Variants in CUBN observed in about 807,000 individuals in gnomAD.
The protein encoded by CUBN is 460 kDa receptor.
In CUBN, 282 loss-of-function variants were observed where a neutral mutation model predicts 405.3. The observed-to-expected ratio is 0.70, with a 90% CI of 0.63 to 0.77. The LOEUF is 0.77. CUBN is among the 30% of genes least tolerant of loss of function. The probability of loss-of-function intolerance (pLI) is 0.00; values close to 1 mark genes in which losing one functional copy is unlikely to be tolerated. For synonymous variants in CUBN, 1,684 were observed against 1,617.0 expected (o/e 1.04, Z -0.99); for missense variants, 4,514 against 4,475.2 (o/e 1.01, Z -0.25).
At chr10:17,023,129 CG>C (rs1420894820) in intron 27 of CUBN, among the ~76,000 whole-genome samples, 14 of 151,498 alleles carry the variant, frequency 9.2e-5, no homozygotes, top group African/African-American at 3.2e-4. Flanking sequence ...GATGGGATTA[CG>C]CATTGAAGGA....
intron 29 of CUBN, among the ~76,000 whole-genome samples, chr10:16,987,128 T>C (rs554472138): frequency 6.6e-6 from 1 of 152,344 alleles, no homozygotes; most frequent in South Asian, 2.1e-4. Flanking sequence ...GATTTCCTTT[T>C]CTGCCTAATG....
rs1303091102 is a variant in CUBN at position 17,071,476 on chromosome 10, T to C, written c.2575A>G (p.Thr859Ala). ...PQSQVILLNF[T>A]VFEIGSSAHC... is the part of the protein sequence containing the mutation. ...GCAGAACTTCCAATTTCAAAGACAGTGAAGTTGAGGAGAATGACTTGGCTT... is the reference window on the plus strand; with the variant it reads ...GCAGAACTTCCAATTTCAAAGACAGCGAAGTTGAGGAGAATGACTTGGCTT... The change falls in exon 19 of 67, where the codon ACT (threonine) becomes GCT (alanine). Residue 859 changes from threonine to alanine, a missense_variant. Thr to Ala is a moderately conservative substitution (Grantham distance 58, BLOSUM62 0). This residue lies in a region of CUBN where 1,448 missense variants were observed against 1,388.0 expected (regional missense o/e 1.04). Coordinates refer to ENST00000377833, the MANE Select transcript of CUBN (RefSeq NM_001081.4). 1.9e-6 allele frequency: 3 copies of C among 1,613,928 alleles called. No homozygotes were observed. The South Asian group carries it at 3.3e-5, about 18-fold the overall frequency.
At chr10:16,984,312 A>G in intron 29 of CUBN, 33 bp from the exon 30 acceptor site, 1 of 1,606,446 alleles carries the variant, frequency 6.2e-7, no homozygotes, top group Non-Finnish European at 8.5e-7. Context: ...AGACTTTAAA[A>G]AATATTTTAA....
chr10:17,018,884 G>A (rs1834418577), intron 28 of CUBN, among the ~76,000 whole-genome samples: 1 of 151,252 alleles, frequency 6.6e-6, no homozygotes, highest in Admixed American at 6.6e-5. Context: ...TAGACACAGA[G>A]CGCTGATTGG....
intron 22 of CUBN, among the ~76,000 whole-genome samples, chr10:17,064,024 T>G (rs1835557972): frequency 6.6e-6 from 1 of 152,182 alleles, no homozygotes; most frequent in African/African-American, 2.4e-5. Flanking sequence ...CCCTATAATT[T>G]CTTAAGAAAC....
chr10:17,116,518 G>A (rs548484717), intron 6 of CUBN, among the ~76,000 whole-genome samples: 1 of 152,202 alleles, frequency 6.6e-6, no homozygotes, highest in Non-Finnish European at 1.5e-5. Flanking sequence ...GGAAATGACT[G>A]TTGGTGCCAG....
intron 59 of CUBN, among the ~76,000 whole-genome samples, chr10:16,855,058 C>T (rs1839832300): frequency 9.3e-6 from 1 of 107,208 alleles, no homozygotes; most frequent in African/African-American, 3.6e-5. Flanking sequence ...CCCTCCCCTC[C>T]CCTCCTCTCT....
intron 31 of CUBN, among the ~76,000 whole-genome samples, chr10:16,975,094 C>G (rs1833052104): frequency 6.6e-6 from 1 of 152,194 alleles, no homozygotes; most frequent in African/African-American, 2.4e-5. Flanking sequence ...GCCAATGACC[C>G]TAATCCCAGC....
intron 28 of CUBN, among the ~76,000 whole-genome samples, chr10:17,011,192 T>C (rs1045599532): frequency 6.6e-6 from 1 of 152,224 alleles, no homozygotes; most frequent in Non-Finnish European, 1.5e-5. Context: ...CAGTAGTGTG[T>C]CTGGAATTTA....
At chr10:17,001,896 C>G (rs190182849) in intron 28 of CUBN, among the ~76,000 whole-genome samples, 2 of 152,118 alleles carry the variant, frequency 1.3e-5, no homozygotes, top group Non-Finnish European at 2.9e-5. Context: ...AAATCAGGGA[C>G]AGAGTATATT....
intron 56 of CUBN, among the ~76,000 whole-genome samples, chr10:16,885,367 G>T (rs949856308): frequency 7.2e-5 from 11 of 152,100 alleles, no homozygotes; most frequent in African/African-American, 2.7e-4. Flanking sequence ...GTGAGGATTG[G>T]CAAATCCATT....
intron 31 of CUBN, among the ~76,000 whole-genome samples, chr10:16,964,358 A>C (rs1843327226): frequency 6.6e-6 from 1 of 152,210 alleles, no homozygotes; most frequent in Admixed American, 6.5e-5. Context: ...TTCATTGACT[A>C]GCCAAAGAAA....
chr10:16,926,525 G>A (rs1220369306), intron 41 of CUBN, among the ~76,000 whole-genome samples: 2 of 152,072 alleles, frequency 1.3e-5, no homozygotes, highest in Admixed American at 6.6e-5. Flanking sequence ...GGGACCGCCT[G>A]AGGCCAAGGA....
intron 27 of CUBN, among the ~76,000 whole-genome samples, chr10:17,030,511 T>C (rs1834765646): frequency 6.6e-6 from 1 of 152,238 alleles, no homozygotes; most frequent in South Asian, 2.1e-4. Flanking sequence ...ATCTTCATTT[T>C]AGAGTTCTGG....
intron 58 of CUBN, 123 bp downstream of exon 58, chr10:16,874,251 C>G: frequency 9.7e-7 from 1 of 1,032,790 alleles, no homozygotes; most frequent in Non-Finnish European, 1.5e-6. Flanking sequence ...GAACATCACT[C>G]CTCTGTGTAG....
chr10:16,986,910 T>G (rs898724815), intron 29 of CUBN, among the ~76,000 whole-genome samples: 2 of 152,226 alleles, frequency 1.3e-5, no homozygotes, highest in African/African-American at 4.8e-5. Flanking sequence ...CTTTGTTTTC[T>G]CTGCTCAAAC....
chr10:17,066,704 A>C (rs987360282), intron 21 of CUBN, among the ~76,000 whole-genome samples: 1 of 152,124 alleles, frequency 6.6e-6, no homozygotes, highest in Non-Finnish European at 1.5e-5. Flanking sequence ...CTTCCCAAAA[A>C]AGAAAAAGAA....
chr10:17,091,750 C>T (rs1356748706), intron 14 of CUBN, among the ~76,000 whole-genome samples: 2 of 152,008 alleles, frequency 1.3e-5, no homozygotes, highest in Non-Finnish European at 2.9e-5. Context: ...TATTTTTTAC[C>T]ACATAAAACC....
chr10:16,952,978 C>G (rs1223878378), intron 32 of CUBN, among the ~76,000 whole-genome samples: 3 of 152,296 alleles, frequency 2.0e-5, no homozygotes, highest in East Asian at 3.9e-4. Context: ...TATAGAGGCT[C>G]AGCTGGAGCA....
Sources: gnomAD v4.1 joint callset for allele counts (sites outside exome capture counted in the v4.1 genomes callset) on GRCh38, gnomAD v4.1.1 for gene constraint, gnomAD v4.1.1 regional missense constraint, MANE v1.5 for transcripts, NCBI Gene and HGNC (gene_info 2026-07-23, HGNC 2026-07-21) for gene names.